The following HDAC9 variants were observed in gnomAD, a reference collection of about 807,000 sequenced individuals.
The protein encoded by HDAC9 is MEF-2 interacting transcription repressor (MITR) protein.
Under a neutral mutation model 139.4 loss-of-function variants are expected in HDAC9, and 41 were observed. The observed-to-expected ratio is 0.29, with a 90% CI of 0.23 to 0.38. The LOEUF is 0.38. Ranked by LOEUF, HDAC9 falls within the 10% of genes least tolerant of loss-of-function variation. The pLI, the probability that HDAC9 is intolerant of heterozygous loss-of-function variation, is 1.00. For synonymous variants in HDAC9, 517 were observed against 476.2 expected, an observed-to-expected ratio of 1.09 and a Z score of -1.12; for missense variants, 1,147 against 1,297.0, an observed-to-expected ratio of 0.88 and a Z score of 1.78.
chr7:18,988,482 A>T lies in HDAC9; in HGVS notation c.3171-7541A>T, dbSNP rs546586122. Among the ~76,000 whole-genome samples, 133 of 151,680 alleles carry T rather than the reference A, an allele frequency of 8.8e-4. 1 individual carries two copies. The East Asian group carries it at 0.024, about 27-fold the overall frequency. On this transcript the variant is annotated intron_variant, in intron 25 of 25. Coordinates refer to ENST00000686413, the MANE Select transcript of HDAC9 (RefSeq NM_178425.4). ...TTTGCTGAGGAGAGCTTTACTTCCAAGTATGTGGTCAATTTTGGAATAGGT... is the reference window on the plus strand; with the variant it reads ...TTTGCTGAGGAGAGCTTTACTTCCATGTATGTGGTCAATTTTGGAATAGGT...
intron 1 of HDAC9, among the ~76,000 whole-genome samples, chr7:18,395,682 A>G (rs1040068325): frequency 1.3e-5 from 2 of 152,134 alleles, no homozygotes; most frequent in African/African-American, 2.4e-5. Flanking sequence ...CATTTTATGT[A>G]TCGGAAACTT....
intron 2 of HDAC9, among the ~76,000 whole-genome samples, chr7:18,243,708 C>G (rs1317130475): frequency 6.6e-6 from 1 of 152,186 alleles, no homozygotes. Flanking sequence ...TTGAATGAAA[C>G]ATGGAGCTGT....
chr7:18,379,485 CTAAA>C (rs1226207756), intron 1 of HDAC9, among the ~76,000 whole-genome samples: 1 of 152,190 alleles, frequency 6.6e-6, no homozygotes, highest in African/African-American at 2.4e-5. Context: ...TATTCTGTCT[CTAAA>C]TGGCCTCCTG....
chr7:18,458,335 G>A (rs1793532698), intron 1 of HDAC9, among the ~76,000 whole-genome samples: 1 of 152,156 alleles, frequency 6.6e-6, no homozygotes, highest in African/African-American at 2.4e-5. Flanking sequence ...GAGCATATGT[G>A]AACTATGGCT....
intron 12 of HDAC9, among the ~76,000 whole-genome samples, chr7:18,679,065 G>A (rs571917284): frequency 6.6e-6 from 1 of 151,966 alleles, no homozygotes; most frequent in African/African-American, 2.4e-5. Context: ...ATTGGATTTA[G>A]TAAAGATCTG....
At chr7:18,195,629 T>C (rs1372027920) in intron 2 of HDAC9, among the ~76,000 whole-genome samples, 2 of 152,162 alleles carry the variant, frequency 1.3e-5, no homozygotes, top group Non-Finnish European at 2.9e-5. Context: ...GTGTTTTGGC[T>C]CCATGCTTCA....
chr7:18,188,105 AAGTCTAC>A (rs1351034413), intron 2 of HDAC9, among the ~76,000 whole-genome samples: 1 of 152,192 alleles, frequency 6.6e-6, no homozygotes, highest in African/African-American at 2.4e-5. Flanking sequence ...ACTATACTAC[AAGTCTAC>A]AGTAACCAAA....
intron 12 of HDAC9, 83 bp from the exon 13 acceptor site, chr7:18,727,497 C>A: frequency 8.5e-7 from 1 of 1,175,296 alleles, no homozygotes; most frequent in Non-Finnish European, 1.2e-6. Context: ...ACCTGATGAA[C>A]TTAATTTGTT....
intron 1 of HDAC9, among the ~76,000 whole-genome samples, chr7:18,340,368 T>C (rs1188149759): frequency 6.6e-6 from 1 of 151,600 alleles, no homozygotes; most frequent in African/African-American, 2.4e-5. Context: ...TTAGTGTGAT[T>C]ATTGATATGG....
chr7:18,634,714 C>T lies in HDAC9; in HGVS notation c.884C>T (p.Ser295Leu), dbSNP rs866117915. The change falls in exon 8 of 26, where the codon TCG (serine) becomes TTG (leucine). Residue 295 changes from serine to leucine, a missense_variant. Around this residue, in one of 7 missense-constraint regions of HDAC9, gnomAD observed 264 missense variants for 273.8 expected, o/e 0.96. Transcript: ENST00000686413. ...PTGSVTENET[S>L]VLPPTPHAEQ... ...GGAAGTGTTACTGAAAATGAGACTT[C>T]GGTTTTGCCCCCTACCCCTCATGCC... 4.4e-6 allele frequency: 7 copies of T among 1,596,222 alleles called. No individual in the cohort carries two copies. Among genetic ancestry groups the T allele is most frequent in the East Asian group, 2.3e-5 (1 of 44,186 alleles).
chr7:18,927,593 C>G (rs1804350290), intron 22 of HDAC9, among the ~76,000 whole-genome samples: 1 of 152,098 alleles, frequency 6.6e-6, no homozygotes, highest in African/African-American at 2.4e-5. Flanking sequence ...AATTTAATTT[C>G]AAATGAAAAT....
rs1445055697 is a variant in HDAC9, at chr7:18,997,148, C to CTGAT, written c.*1089_*1092dup. On this transcript the variant is annotated 3_prime_UTR_variant, in exon 26 of 26. Transcript: ENST00000686413. ...TTACAGGTTAACACAGTTGTTTTGT[C>CTGAT]TGATTGCATTTTATTAACTGTGAAG... 2 of 152,024 alleles carry CTGAT rather than the reference C, an allele frequency of 1.3e-5. No individual in the cohort carries two copies. The highest frequency in any genetic ancestry group is 1.3e-4 in the Admixed American group (2 of 15,256). 9.4% of individuals were successfully genotyped at this position (152,024 alleles called of 1,614,324 possible).
intron 1 of HDAC9, among the ~76,000 whole-genome samples, chr7:18,386,611 G>T (rs887813899): frequency 6.6e-6 from 1 of 152,070 alleles, no homozygotes; most frequent in East Asian, 1.9e-4. Flanking sequence ...CAAGAACATC[G>T]CATGTAACAT....
At chr7:18,943,703 T>A (rs1782177449) in intron 23 of HDAC9, among the ~76,000 whole-genome samples, 1 of 152,082 alleles carries the variant, frequency 6.6e-6, no homozygotes, top group African/African-American at 2.4e-5. Context: ...CACTGGTCCC[T>A]CTTACCTTAT....
At chr7:18,477,283 C>A (rs992740312) in intron 1 of HDAC9, among the ~76,000 whole-genome samples, 4 of 152,130 alleles carry the variant, frequency 2.6e-5, no homozygotes, top group Non-Finnish European at 5.9e-5. Context: ...AATATTAGGA[C>A]AATAATAATA....
intron 1 of HDAC9, among the ~76,000 whole-genome samples, chr7:18,340,854 A>G (rs903948057): frequency 6.6e-6 from 1 of 151,500 alleles, no homozygotes; most frequent in Non-Finnish European, 1.5e-5. Context: ...ATTTGGCATC[A>G]GTTTCCTTCT....
At chr7:18,646,847 A>T (rs1347535027) in intron 9 of HDAC9, among the ~76,000 whole-genome samples, 1 of 152,148 alleles carries the variant, frequency 6.6e-6, no homozygotes, top group Admixed American at 6.6e-5. Context: ...CTGTGTTATC[A>T]TACATTTCAA....
intron 12 of HDAC9, among the ~76,000 whole-genome samples, chr7:18,686,177 A>G (rs1026620818): frequency 2.0e-5 from 3 of 151,984 alleles, no homozygotes; most frequent in Non-Finnish European, 4.4e-5. Flanking sequence ...GGTCTGACTC[A>G]TAAACTATTC....
intron 6 of HDAC9, among the ~76,000 whole-genome samples, chr7:18,613,702 T>G (rs77234888): frequency 0.023 from 3,488 of 152,290 alleles, 141 homozygotes; most frequent in African/African-American, 0.08. Context: ...GTAGTTATTA[T>G]GCTAGGTTAT....
Sources: gnomAD v4.1 joint callset for allele counts (sites outside exome capture counted in the v4.1 genomes callset) on GRCh38, gnomAD v4.1.1 for gene constraint, gnomAD v4.1.1 regional missense constraint, MANE v1.5 for transcripts, NCBI Gene and HGNC (gene_info 2026-07-23, HGNC 2026-07-21) for gene names.